SLC17A8: variants seen among roughly 807,000 people sequenced by gnomAD.
SLC17A8 encodes vesicular glutamate transporter 3.
A neutral mutation model predicts 58.0 loss-of-function variants in SLC17A8; 31 were observed. That is an observed-to-expected ratio of 0.53 (90% CI 0.40 to 0.72). The LOEUF (loss-of-function observed/expected upper bound fraction) is 0.72, where lower values mean the gene tolerates loss of function less well. Ranked by LOEUF, SLC17A8 falls within the 30% of genes least tolerant of loss-of-function variation. The pLI, the probability that SLC17A8 is intolerant of heterozygous loss-of-function variation, is 0.00. For missense variants in SLC17A8, 655 were observed against 727.8 expected (o/e 0.90, Z 1.15); for synonymous variants, 228 against 249.0 (o/e 0.92, Z 0.79).
At chr12:100,418,660 G>C (rs1185461779) in intron 11 of SLC17A8, among the ~76,000 whole-genome samples, 3 of 152,208 alleles carry the variant, frequency 2.0e-5, no homozygotes, top group African/African-American at 4.8e-5. Flanking sequence ...GTGGATGGTA[G>C]AGGCAGATCC....
chr12:100,394,386 T>C (rs1952737500), intron 4 of SLC17A8, among the ~76,000 whole-genome samples: 1 of 150,516 alleles, frequency 6.6e-6, no homozygotes, highest in African/African-American at 2.4e-5. Context: ...GATGTGTTAG[T>C]TACATCTTTT....
At chr12:100,395,514 T>C (rs1056262883) in intron 4 of SLC17A8, among the ~76,000 whole-genome samples, 7 of 152,088 alleles carry the variant, frequency 4.6e-5, no homozygotes. Flanking sequence ...TTGGTAGAGA[T>C]AGGATTTTGC....
intron 10 of SLC17A8, among the ~76,000 whole-genome samples, chr12:100,414,886 T>C (rs973409609): frequency 6.6e-6 from 1 of 152,238 alleles, no homozygotes; most frequent in Non-Finnish European, 1.5e-5. Flanking sequence ...CCTGAGATTC[T>C]GCAGTTTTAG....
intron 5 of SLC17A8, among the ~76,000 whole-genome samples, chr12:100,400,800 C>T (rs1952785533): frequency 6.6e-6 from 1 of 151,986 alleles, no homozygotes; most frequent in African/African-American, 2.4e-5. Flanking sequence ...TACCAGACGT[C>T]CAGAGGATAG....
intron 4 of SLC17A8, among the ~76,000 whole-genome samples, chr12:100,394,826 A>AGTATATATATAATATATATAGT (rs1566397409): frequency 6.8e-6 from 1 of 147,714 alleles, no homozygotes; most frequent in Non-Finnish European, 1.5e-5. Context: ...ATACATATAT[A>AGTATATATATAATATATATAGT]GTATATATAT....
At chr12:100,409,397 G>C (rs1952850813) in intron 9 of SLC17A8, among the ~76,000 whole-genome samples, 1 of 152,054 alleles carries the variant, frequency 6.6e-6, no homozygotes, top group Admixed American at 6.6e-5. Context: ...TGTTGCCCAG[G>C]CTGGTCTTGA....
At chr12:100,394,553 T>C (rs58154173) in intron 4 of SLC17A8, among the ~76,000 whole-genome samples, 24,138 of 150,478 alleles carry the variant, frequency 0.16, 2,064 homozygotes, top group African/African-American at 0.21. Flanking sequence ...AGGTGCCAGT[T>C]ACCACACCCG....
intron 5 of SLC17A8, 128 bp from the exon 6 acceptor site, chr12:100,401,649 C>G: frequency 1.2e-6 from 1 of 809,622 alleles, no homozygotes; most frequent in Non-Finnish European, 2.1e-6. Context: ...GTTTGCCTGT[C>G]TCTGCACGGA....
At chr12:100,402,798 C>T (rs1566400792) in intron 8 of SLC17A8, 53 bp downstream of exon 8, 2 of 1,514,860 alleles carry the variant, frequency 1.3e-6, no homozygotes, top group Non-Finnish European at 1.8e-6. Context: ...CTTGATTCTA[C>T]AGAGAATAAC....
intron 1 of SLC17A8, among the ~76,000 whole-genome samples, chr12:100,366,224 A>G (rs994809735): frequency 2.0e-5 from 3 of 152,146 alleles, no homozygotes; most frequent in Non-Finnish European, 4.4e-5. Context: ...TGACAGTTTT[A>G]AGGACTTCCA....
chr12:100,405,036 C>CT (rs1194614059), intron 9 of SLC17A8, among the ~76,000 whole-genome samples: 3 of 152,216 alleles, frequency 2.0e-5, no homozygotes, highest in Admixed American at 2.0e-4. Context: ...TGCGTATGCT[C>CT]TGACAGATAG....
At chr12:100,411,921 G>C (rs1404909498) in intron 9 of SLC17A8, among the ~76,000 whole-genome samples, 1 of 151,908 alleles carries the variant, frequency 6.6e-6, no homozygotes, top group Non-Finnish European at 1.5e-5. Context: ...GCTTTACAAG[G>C]GGTGAAGTGC....
chr12:100,389,388 T>A (rs1206064871), intron 2 of SLC17A8, among the ~76,000 whole-genome samples: 1 of 152,216 alleles, frequency 6.6e-6, no homozygotes, highest in Non-Finnish European at 1.5e-5. Flanking sequence ...GGCTTTATTG[T>A]CCTCATTAAG....
At chr12:100,387,941 T>C (rs1197927827) in intron 2 of SLC17A8, among the ~76,000 whole-genome samples, 2 of 152,190 alleles carry the variant, frequency 1.3e-5, no homozygotes, top group Admixed American at 1.3e-4. Flanking sequence ...ATGGTTTTCA[T>C]TTCTCTTTGT....
At chr12:100,359,215 C>A (rs1952467843) in intron 1 of SLC17A8, among the ~76,000 whole-genome samples, 1 of 152,152 alleles carries the variant, frequency 6.6e-6, no homozygotes, top group Non-Finnish European at 1.5e-5. Flanking sequence ...ACTCTGCCTT[C>A]ATTTATAAAA....
intron 1 of SLC17A8, among the ~76,000 whole-genome samples, chr12:100,368,362 T>A (rs1246586745): frequency 6.6e-6 from 1 of 152,230 alleles, no homozygotes; most frequent in Non-Finnish European, 1.5e-5. Flanking sequence ...TGTCTATGAT[T>A]TCAAATTCCC....
intron 2 of SLC17A8, among the ~76,000 whole-genome samples, 176 bp from the exon 3 acceptor site, chr12:100,390,825 C>T (rs1952710496): frequency 6.6e-6 from 1 of 152,096 alleles, no homozygotes; most frequent in African/African-American, 2.4e-5. Context: ...CTACGCCTGG[C>T]CCAGGACTTT....
Position 100,396,355 on chromosome 12 carries a change from G to C in SLC17A8, c.614G>C (p.Gly205Ala). The change falls in exon 5 of 12, where the codon GGG (glycine) becomes GCG (alanine). Residue 205 changes from glycine to alanine, a missense_variant. Coordinates refer to ENST00000323346, the MANE Select transcript of SLC17A8 (RefSeq NM_139319.3). ...GGTGTGACCTACCCAGCCTGCCATG[G>C]GATGTGGAGTAAGTGGGCACCACCT... ...VEGVTYPACH[G>A]MWSKWAPPLE... The C allele has an allele frequency of 6.2e-7, 1 of 1,614,094 alleles. No homozygotes were observed.
chr12:100,398,376 G>A (rs935488460), intron 5 of SLC17A8, among the ~76,000 whole-genome samples: 1 of 152,090 alleles, frequency 6.6e-6, no homozygotes, highest in Non-Finnish European at 1.5e-5. Context: ...CTTGTGGCTT[G>A]TTAGATCCTT....
Sources: gnomAD v4.1 joint callset for allele counts (sites outside exome capture counted in the v4.1 genomes callset) on GRCh38, gnomAD v4.1.1 for gene constraint, MANE v1.5 for transcripts, NCBI Gene and HGNC (gene_info 2026-07-23, HGNC 2026-07-21) for gene names.